CANX: variants seen among roughly 807,000 people sequenced by gnomAD.
CANX encodes calnexin, also known as epididymis secretory sperm binding protein.
A neutral mutation model predicts 75.7 loss-of-function variants in CANX; 14 were observed. That is an observed-to-expected ratio of 0.19 (90% CI 0.12 to 0.29). CANX has a LOEUF of 0.29. Ranked by LOEUF, CANX falls within the 10% of genes least tolerant of loss-of-function variation. The probability of loss-of-function intolerance (pLI) is 1.00; values close to 1 mark genes in which losing one functional copy is unlikely to be tolerated. For synonymous variants in CANX, 227 were observed against 236.9 expected, an observed-to-expected ratio of 0.96 and a Z score of 0.38; for missense variants, 567 against 713.2, an observed-to-expected ratio of 0.79 and a Z score of 2.34.
chr5:179,702,623 T>C (rs1776849633), intron 1 of CANX, among the ~76,000 whole-genome samples: 3 of 152,278 alleles, frequency 2.0e-5, no homozygotes, highest in Admixed American at 2.0e-4. Flanking sequence ...TTCTGACTGT[T>C]GGCTGTTGTG....
rs138087997 is a variant in CANX, at chr5:179,682,996, C to T, written c.-4+4219C>T. Among the ~76,000 whole-genome samples, 4 of 152,344 alleles carry T rather than the reference C, an allele frequency of 2.6e-5. No homozygotes were observed. In the East Asian group the frequency reaches 7.7e-4, roughly 29 times the overall value. On this transcript the variant is annotated intron_variant, in intron 1 of 14. Transcript: ENST00000681674. ...GTCAGTCCTACCTACTAAGCCCACC[C>T]ACCTGACTGCAAGGGACAGACCCAG... is the stretch of plus-strand genomic sequence containing the variant.
intron 4 of CANX, among the ~76,000 whole-genome samples, chr5:179,707,923 G>A (rs1286885949): frequency 1.3e-5 from 2 of 152,100 alleles, no homozygotes; most frequent in Admixed American, 6.6e-5. Context: ...CGCAACCTCT[G>A]TTTCTTGGGT....
chr5:179,683,327 G>A (rs1158091155), intron 1 of CANX, among the ~76,000 whole-genome samples: 2 of 151,620 alleles, frequency 1.3e-5, no homozygotes, highest in African/African-American at 2.4e-5. Flanking sequence ...TAGAGATGGG[G>A]TTTCACCGTG....
At chr5:179,725,027 CTT>C (rs1241553439) in intron 13 of CANX, among the ~76,000 whole-genome samples, 1 of 151,524 alleles carries the variant, frequency 6.6e-6, no homozygotes, top group Non-Finnish European at 1.5e-5. Context: ...CTCTCTCTCT[CTT>C]TTTTATTTTT....
intron 14 of CANX, 128 bp from the exon 15 acceptor site, chr5:179,728,463 C>T: frequency 1.6e-6 from 1 of 631,030 alleles, no homozygotes; most frequent in Non-Finnish European, 2.9e-6. Flanking sequence ...GGTGCATTTT[C>T]TTCTCATCAT....
intron 7 of CANX, among the ~76,000 whole-genome samples, chr5:179,714,610 C>T (rs932923304): frequency 3.9e-5 from 6 of 152,132 alleles, no homozygotes; most frequent in Admixed American, 1.3e-4. Flanking sequence ...CTCCGCCTCC[C>T]GGGTTCACGC....
chr5:179,714,975 G>C (rs1403200110), intron 7 of CANX, among the ~76,000 whole-genome samples: 1 of 151,910 alleles, frequency 6.6e-6, no homozygotes, highest in Non-Finnish European at 1.5e-5. Flanking sequence ...ATGTTGGCCA[G>C]GCTGGTCTCG....
intron 1 of CANX, among the ~76,000 whole-genome samples, chr5:179,687,897 T>C (rs892779396): frequency 1.3e-5 from 2 of 151,500 alleles, no homozygotes. Context: ...TAGCTGGGTG[T>C]GGTGGCGCAC....
At chr5:179,698,817 T>A, upstream of CANX, 1 of 706,742 alleles carries the variant, frequency 1.4e-6, no homozygotes, top group Non-Finnish European at 2.0e-6. Flanking sequence ...GTAGGGGGCG[T>A]ATGGGACGGT....
chr5:179,678,768 G>A, exon 1 of CANX: 1 of 1,537,102 alleles, frequency 6.5e-7, no homozygotes, highest in Non-Finnish European at 8.7e-7. Flanking sequence ...AGTTCCTGCT[G>A]CAGCTTCAGG....
intron 1 of CANX, among the ~76,000 whole-genome samples, chr5:179,701,352 T>G (rs1206657729): frequency 6.6e-6 from 1 of 151,854 alleles, no homozygotes; most frequent in Non-Finnish European, 1.5e-5. Flanking sequence ...TCGAGCACTT[T>G]GGGAGGCTGA....
chr5:179,712,131 T>A (rs1777603246), intron 7 of CANX, among the ~76,000 whole-genome samples: 1 of 151,686 alleles, frequency 6.6e-6, no homozygotes. Context: ...TTTTTTTTTT[T>A]TTCTACAAAG....
rs901294953 is a variant in CANX, at chr5:179,730,370, T to C, written c.*1726T>C. On this transcript the variant is annotated 3_prime_UTR_variant, in exon 15 of 15. Coordinates refer to ENST00000247461, the MANE Select transcript of CANX (RefSeq NM_001746.4). ...AGTGCTTTTTCCTTTTCATCTGTTG[T>C]TCTGTGGTCACAGTGACCTTAGCTA... The C allele has an allele frequency of 6.6e-6, 1 of 152,278 alleles. No homozygotes were observed. Among genetic ancestry groups the C allele is most frequent in the Admixed American group, 6.5e-5 (1 of 15,286 alleles). The allele number at this position is 152,278 out of a possible 1,614,324, so 9.4% of individuals were successfully genotyped here. A position where few individuals can be genotyped will look rare whatever the true frequency, so the allele number is the denominator to read the frequency against.
Position 179,722,723 on chromosome 5 carries a change from A to G in CANX, c.1183-81A>G, listed in dbSNP as rs1224045739. 6.6e-6 allele frequency: 6 copies of G among 909,816 alleles called. No homozygotes were observed. The African/African-American group carries it at 8.4e-5, about 13-fold the overall frequency. The allele number at this position is 909,816 out of a possible 1,614,324, so 56.4% of individuals were successfully genotyped here. On this transcript the variant is annotated intron_variant, in intron 10 of 14. Coordinates refer to ENST00000247461, the MANE Select transcript of CANX (RefSeq NM_001746.4). The stretch of plus-strand genomic sequence containing the variant: ...GGCATTTCTCTCCATTGTTCATGCA[A>G]AATTTCTCTTACGGTAGATTCACCA...
chr5:179,727,786 G>C (rs925145511), intron 14 of CANX, among the ~76,000 whole-genome samples: 2 of 152,218 alleles, frequency 1.3e-5, no homozygotes, highest in African/African-American at 4.8e-5. Context: ...GAGAGGAACA[G>C]AGGGTATGAG....
upstream of CANX, chr5:179,694,732 A>G: frequency 1.5e-6 from 1 of 673,628 alleles, no homozygotes; most frequent in Non-Finnish European, 2.7e-6. Flanking sequence ...GAAGAGGAAG[A>G]TGAAGACGAG....
At chr5:179,715,401 G>T (rs1211396544) in intron 7 of CANX, among the ~76,000 whole-genome samples, 1 of 152,108 alleles carries the variant, frequency 6.6e-6, no homozygotes, top group Non-Finnish European at 1.5e-5. Context: ...GGGCATGGTG[G>T]CACGGGGCCG....
At chr5:179,679,350 G>T in intron 1 of CANX, 2 of 1,170,550 alleles carry the variant, frequency 1.7e-6, no homozygotes, top group Non-Finnish European at 2.3e-6. Flanking sequence ...TCTTAGCCCT[G>T]CAGCTACGGC....
intron 8 of CANX, among the ~76,000 whole-genome samples, chr5:179,718,586 T>G (rs1348984474): frequency 6.6e-6 from 1 of 151,854 alleles, no homozygotes; most frequent in African/African-American, 2.4e-5. Flanking sequence ...TGGAGTGTAG[T>G]GGCGTGATCT....
Sources: gnomAD v4.1 joint callset for allele counts (sites outside exome capture counted in the v4.1 genomes callset) on GRCh38, gnomAD v4.1.1 for gene constraint, MANE v1.5 for transcripts, NCBI Gene and HGNC (gene_info 2026-07-23, HGNC 2026-07-21) for gene names.